The following RFX4 variants were observed in gnomAD, a reference collection of about 807,000 sequenced individuals.
RFX4 encodes transcription factor RFX4.
Under a neutral mutation model 95.0 loss-of-function variants are expected in RFX4, and 10 were observed. The ratio of observed to expected loss-of-function variants is 0.11; its 90% CI spans 0.06 to 0.18. The LOEUF (loss-of-function observed/expected upper bound fraction) is 0.18, where lower values mean the gene tolerates loss of function less well. RFX4 is among the 10% of genes least tolerant of loss of function. RFX4 has a pLI of 1.00. For synonymous variants in RFX4, 321 were observed against 340.7 expected (o/e 0.94, Z 0.64); for missense variants, 640 against 922.0 (o/e 0.69, Z 3.96).
At chr12:106,658,967 G>A (rs2137332107) in intron 4 of RFX4, among the ~76,000 whole-genome samples, 1 of 152,280 alleles carries the variant, frequency 6.6e-6, no homozygotes, top group Middle Eastern at 3.4e-3. Flanking sequence ...AGCAGAACTG[G>A]CAGATAGGAC....
At position 106,586,161 on chromosome 12, in the gene RFX4, C is replaced by T. The variant is rs1424399945; in HGVS notation, c.43+2798C>T. On this transcript the variant is annotated intron_variant, in intron 1 of 17. Coordinates refer to ENST00000392842, the MANE Select transcript of RFX4 (RefSeq NM_213594.3). This position sits in a 1 kb window ranked among gnomAD's most constrained non-coding sequence, Gnocchi z 5.6. ...CAGCTTGCCGCGCGCCGCGGTGCTC[C>T]GGCAGGAGGCAAAGGCGACAGGCGC... 6.6e-6 allele frequency among the ~76,000 whole-genome samples: 1 copy of T among 152,156 alleles called. No individual in the cohort carries two copies. Among genetic ancestry groups the T allele is most frequent in the African/African-American group, 2.4e-5 (1 of 41,444 alleles).
intron 1 of RFX4, among the ~76,000 whole-genome samples, chr12:106,594,940 C>A (rs1259340317): frequency 7.2e-5 from 11 of 152,084 alleles, no homozygotes; most frequent in African/African-American, 2.4e-4. Flanking sequence ...AAGGAAGAGA[C>A]CCCATCAGAA....
intron 11 of RFX4, among the ~76,000 whole-genome samples, chr12:106,717,262 T>G (rs2042312099): frequency 6.6e-6 from 1 of 152,104 alleles, no homozygotes. Flanking sequence ...AAACCCAGAG[T>G]TAACCTAGTT....
intron 11 of RFX4, among the ~76,000 whole-genome samples, chr12:106,715,817 C>T (rs895703164): frequency 7.9e-5 from 12 of 152,134 alleles, no homozygotes; most frequent in African/African-American, 2.7e-4. Context: ...GACCTGAATG[C>T]CAGCCCCGGT....
At chr12:106,658,224 A>G (rs112522190) in intron 4 of RFX4, among the ~76,000 whole-genome samples, 33 of 152,312 alleles carry the variant, frequency 2.2e-4, no homozygotes, top group African/African-American at 7.2e-4. Context: ...TAATAACCCT[A>G]TGAAACTGGT....
At chr12:106,590,361 C>T (rs535995161) in intron 1 of RFX4, among the ~76,000 whole-genome samples, 16 of 152,294 alleles carry the variant, frequency 1.1e-4, no homozygotes, top group African/African-American at 3.6e-4. Context: ...GTGTAATGCT[C>T]ACAACAATCC....
chr12:106,650,503 T>C (rs11113071), intron 3 of RFX4, among the ~76,000 whole-genome samples: 47,214 of 152,008 alleles, frequency 0.31, 8,041 homozygotes, highest in African/African-American at 0.45. Flanking sequence ...GAGGCTGAGG[T>C]GGGAGGATCA....
rs561703617 is a variant in RFX4 at position 106,706,731 on chromosome 12, GA to G, written c.834-2592del. Among the ~76,000 whole-genome samples the G allele has an allele frequency of 5.9e-3, 897 of 152,130 alleles. 10 individuals carry two copies. The highest frequency in any genetic ancestry group is 0.02 in the African/African-American group (821 of 41,506). On this transcript the variant is annotated intron_variant, in intron 8 of 17. Transcript: ENST00000392842. ...AATAAATAAATGGCACAAAATAGGGGAAAAAAATATTTAAGAAATAGAACAG... is the reference window on the plus strand; with the variant it reads ...AATAAATAAATGGCACAAAATAGGGGAAAAAATATTTAAGAAATAGAACAG...
chr12:106,634,648 C>T (rs1047312640), intron 2 of RFX4, among the ~76,000 whole-genome samples: 8 of 152,276 alleles, frequency 5.3e-5, no homozygotes, highest in Admixed American at 4.6e-4. Context: ...AGCCACCTTG[C>T]TTCTGGGAAA....
chr12:106,748,706 T>G (rs1407639857), intron 16 of RFX4, among the ~76,000 whole-genome samples: 1 of 152,168 alleles, frequency 6.6e-6, no homozygotes, highest in Non-Finnish European at 1.5e-5. Flanking sequence ...CCCAGCACTT[T>G]GGAAGGCCGA....
chr12:106,591,820 A>C (rs994218560), intron 1 of RFX4, among the ~76,000 whole-genome samples: 1 of 152,222 alleles, frequency 6.6e-6, no homozygotes, highest in African/African-American at 2.4e-5. Flanking sequence ...TAACTTAAAC[A>C]ATATATTGCA....
chr12:106,672,748 C>T (rs2041309129), intron 4 of RFX4, among the ~76,000 whole-genome samples: 1 of 147,446 alleles, frequency 6.8e-6, no homozygotes, highest in Non-Finnish European at 1.5e-5. Context: ...TAATTTGCAG[C>T]CCATAAGAAA....
At chr12:106,637,527 G>A (rs1357160733) in intron 2 of RFX4, among the ~76,000 whole-genome samples, 1 of 151,408 alleles carries the variant, frequency 6.6e-6, no homozygotes, top group Non-Finnish European at 1.5e-5. Context: ...TCTTTTTAAT[G>A]TCTATATTAA....
At chr12:106,739,271 C>T (rs1015507399) in intron 15 of RFX4, among the ~76,000 whole-genome samples, 4 of 152,096 alleles carry the variant, frequency 2.6e-5, no homozygotes, top group African/African-American at 9.7e-5. Context: ...TATCGTTGAT[C>T]AGACAATGTA....
At chr12:106,615,733 C>G (rs143017779) in intron 2 of RFX4, among the ~76,000 whole-genome samples, 59 of 152,188 alleles carry the variant, frequency 3.9e-4, no homozygotes, top group Non-Finnish European at 7.2e-4. Context: ...TGATGTTTTT[C>G]AATGCTAATG....
At chr12:106,760,809 T>G (rs1243975719) in intron 17 of RFX4, among the ~76,000 whole-genome samples, 2 of 151,640 alleles carry the variant, frequency 1.3e-5, no homozygotes, top group Non-Finnish European at 2.9e-5. Context: ...CTCACTACCA[T>G]CCATCTGTAC....
At chr12:106,649,012 T>G (rs2040809164) in intron 3 of RFX4, among the ~76,000 whole-genome samples, 1 of 152,066 alleles carries the variant, frequency 6.6e-6, no homozygotes, top group Non-Finnish European at 1.5e-5. Context: ...TCATTATCTC[T>G]CCATAATAGG....
At chr12:106,729,877 T>C (rs2042577577) in intron 13 of RFX4, among the ~76,000 whole-genome samples, 1 of 152,202 alleles carries the variant, frequency 6.6e-6, no homozygotes, top group African/African-American at 2.4e-5. Flanking sequence ...TCCTCAGTGG[T>C]TCACAGGATC....
At chr12:106,623,322 C>T (rs2040223631) in intron 2 of RFX4, among the ~76,000 whole-genome samples, 1 of 152,002 alleles carries the variant, frequency 6.6e-6, no homozygotes, top group Non-Finnish European at 1.5e-5. Context: ...TGTGCCTGAC[C>T]CAGCATTAGT....
Sources: allele counts gnomAD v4.1 joint callset (sites outside exome capture counted in the v4.1 genomes callset), GRCh38; gene constraint gnomAD v4.1.1; non-coding constraint Gnocchi (gnomAD v3.1); transcripts MANE v1.5; gene names NCBI Gene and HGNC (gene_info 2026-07-23, HGNC 2026-07-21).